Variants in SMG6 observed in about 807,000 individuals in gnomAD.
SMG6 encodes SMG6 nonsense mediated mRNA decay factor.
A neutral mutation model predicts 142.2 loss-of-function variants in SMG6; 66 were observed. The observed-to-expected ratio is 0.46, with a 90% CI of 0.38 to 0.57. The LOEUF is 0.57. SMG6 is among the 20% of genes least tolerant of loss of function. The probability of loss-of-function intolerance (pLI) is 0.00; values close to 1 mark genes in which losing one functional copy is unlikely to be tolerated. For missense variants in SMG6, 1,793 were observed against 1,832.0 expected (o/e 0.98, Z 0.39); for synonymous variants, 779 against 702.4 (o/e 1.11, Z -1.72).
chr17:2,244,778 G>GGGGACTCTGTTCAGT, intron 8 of SMG6, 59 bp from the exon 9 acceptor site: 2 of 1,418,882 alleles, frequency 1.4e-6, no homozygotes, highest in Non-Finnish European at 2.0e-6. Flanking sequence ...TCCTGTTACT[G>GGGGACTCTGTTCAGT]AACAGAGTCC....
chr17:2,200,949 G>C lies in SMG6; in HGVS notation c.2870-12434C>G, dbSNP rs11871492. 3.6e-3 allele frequency among the ~76,000 whole-genome samples: 545 copies of C among 152,220 alleles called. 4 individuals are homozygous for C. The highest frequency in any genetic ancestry group is 0.012 in the African/African-American group (518 of 41,544). ...CGGCCCATTATTTATTTTTTAATTGGCAGCATCAACTGCAATACTCTGATA... is the reference window on the plus strand; with the variant it reads ...CGGCCCATTATTTATTTTTTAATTGCCAGCATCAACTGCAATACTCTGATA... On this transcript the variant is annotated intron_variant, in intron 10 of 18. Transcript: ENST00000263073.
intron 8 of SMG6, among the ~76,000 whole-genome samples, chr17:2,277,166 TTTTTTA>T (rs1348915111): frequency 0.026 from 1,443 of 55,772 alleles, 30 homozygotes; most frequent in Non-Finnish European, 0.045. Context: ...TATTTATTTA[TTTTTTA>T]TTTTTTTTTT....
chr17:2,286,705 T>C (rs1294269142), intron 6 of SMG6, among the ~76,000 whole-genome samples: 1 of 152,126 alleles, frequency 6.6e-6, no homozygotes, highest in South Asian at 2.1e-4. Context: ...AATGGTTTCA[T>C]AGCTATGACA....
chr17:2,063,909 C>T (rs1567564882), intron 18 of SMG6, among the ~76,000 whole-genome samples: 1 of 152,168 alleles, frequency 6.6e-6, no homozygotes, highest in Non-Finnish European at 1.5e-5. Context: ...CTCTGTTTGG[C>T]TCAGCCAGGT....
chr17:2,200,311 C>T (rs1426982045), intron 10 of SMG6, among the ~76,000 whole-genome samples: 1 of 152,032 alleles, frequency 6.6e-6, no homozygotes, highest in Non-Finnish European at 1.5e-5. Flanking sequence ...AAAAGGGATT[C>T]AACCTGCATA....
intron 13 of SMG6, among the ~76,000 whole-genome samples, chr17:2,126,850 C>A (rs984276391): frequency 6.6e-6 from 1 of 151,982 alleles, no homozygotes; most frequent in Non-Finnish European, 1.5e-5. Context: ...CTGAGGAGTT[C>A]AAGAGAAGCT....
chr17:2,271,705 A>G (rs1232513904), intron 8 of SMG6, among the ~76,000 whole-genome samples: 1 of 151,982 alleles, frequency 6.6e-6, no homozygotes, highest in Non-Finnish European at 1.5e-5. Context: ...ACAGAGCAAG[A>G]CTCCGTCTCA....
chr17:2,195,997 T>C (rs2072313235), intron 10 of SMG6, among the ~76,000 whole-genome samples: 1 of 152,164 alleles, frequency 6.6e-6, no homozygotes, highest in African/African-American at 2.4e-5. Flanking sequence ...TCAGAGATGA[T>C]GACTGTGTGG....
Position 2,172,639 on chromosome 17 carries a change from T to C in SMG6, c.3357+19A>G. ...AAGAGGAGGGGCGAATGGGGAGGGA[T>C]GTTTGGCCTGGGGCTGACCTTATCC... is the stretch of plus-strand genomic sequence containing the variant. On this transcript the variant is annotated intron_variant, in intron 13 of 18. Coordinates refer to ENST00000263073, the MANE Select transcript of SMG6 (RefSeq NM_017575.5). 6.2e-7 allele frequency: 1 copy of C among 1,611,920 alleles called. No individual in the cohort carries two copies. Among genetic ancestry groups the C allele is most frequent in the South Asian group, 1.1e-5 (1 of 90,996 alleles).
intron 13 of SMG6, among the ~76,000 whole-genome samples, chr17:2,141,237 A>C (rs897809613): frequency 6.6e-6 from 1 of 152,244 alleles, no homozygotes; most frequent in East Asian, 1.9e-4. Flanking sequence ...CATTACATAA[A>C]GTCCTATAAT....
intron 8 of SMG6, among the ~76,000 whole-genome samples, chr17:2,245,228 A>G (rs968695911): frequency 6.6e-6 from 1 of 152,182 alleles, no homozygotes; most frequent in Admixed American, 6.5e-5. Context: ...AGCTTTAAAA[A>G]CTAGAGTTCA....
intron 10 of SMG6, among the ~76,000 whole-genome samples, chr17:2,201,221 G>T (rs1260336119): frequency 6.6e-6 from 1 of 152,130 alleles, no homozygotes; most frequent in African/African-American, 2.4e-5. Context: ...AAGATATATG[G>T]ATGGCAAGTA....
At chr17:2,103,060 C>T (rs1214724044) in intron 13 of SMG6, among the ~76,000 whole-genome samples, 3 of 152,216 alleles carry the variant, frequency 2.0e-5, no homozygotes, top group African/African-American at 4.8e-5. Context: ...AGACTAATTC[C>T]ATAACTTGGT....
At chr17:2,229,240 C>T (rs1256436565) in intron 10 of SMG6, 1 of 152,192 alleles carries the variant, frequency 6.6e-6, no homozygotes, top group Non-Finnish European at 1.5e-5. Context: ...GCCCAAACAA[C>T]AACCTTCTGC....
chr17:2,257,656 G>C (rs573972084), intron 8 of SMG6, among the ~76,000 whole-genome samples: 2 of 152,130 alleles, frequency 1.3e-5, no homozygotes, highest in East Asian at 3.9e-4. Context: ...TAAATGTGAT[G>C]AGTATGCTCC....
intron 13 of SMG6, among the ~76,000 whole-genome samples, chr17:2,103,589 G>GT (rs2151478235): frequency 6.6e-6 from 1 of 152,326 alleles, no homozygotes; most frequent in East Asian, 1.9e-4. Context: ...TTAATCACCT[G>GT]TTTAGTGTTC....
At chr17:2,092,628 G>C (rs2068755648) in intron 13 of SMG6, among the ~76,000 whole-genome samples, 1 of 152,212 alleles carries the variant, frequency 6.6e-6, no homozygotes, top group South Asian at 2.1e-4. Context: ...TTGGCTACTA[G>C]GAAGGAGACG....
At position 2,237,353 on chromosome 17, in the gene SMG6, C is replaced by A. The variant is rs147791747; in HGVS notation, c.2724-716G>T. 686 of 246,712 alleles carry A rather than the reference C, an allele frequency of 2.8e-3. 1 individual carries two copies. Among genetic ancestry groups the A allele is most frequent in the Middle Eastern group, 0.01 (5 of 498 alleles). 15.3% of individuals were successfully genotyped at this position (246,712 alleles called of 1,614,324 possible). ...AAAGTGCTGGGATTACAGGCATGAG[C>A]CACTGCACTCGGCCTAAAGATATTT... On this transcript the variant is annotated intron_variant, in intron 9 of 18. Coordinates refer to ENST00000263073, the MANE Select transcript of SMG6 (RefSeq NM_017575.5).
intron 13 of SMG6, among the ~76,000 whole-genome samples, chr17:2,100,498 A>G (rs750599546): frequency 4.6e-5 from 7 of 152,080 alleles, no homozygotes; most frequent in Non-Finnish European, 7.4e-5. Flanking sequence ...TTTACCTAAC[A>G]CTACTCCTTG....
Sources: allele counts gnomAD v4.1 joint callset (sites outside exome capture counted in the v4.1 genomes callset), GRCh38; gene constraint gnomAD v4.1.1; transcripts MANE v1.5; gene names NCBI Gene and HGNC (gene_info 2026-07-23, HGNC 2026-07-21).